The following CDH13 variants were observed in gnomAD, a reference collection of about 807,000 sequenced individuals.
CDH13 encodes cadherin 13.
Under a neutral mutation model 63.8 loss-of-function variants are expected in CDH13, and 24 were observed. The observed-to-expected ratio is 0.38, with a 90% CI of 0.27 to 0.53. CDH13 has a LOEUF of 0.53. Among genes scored for constraint, CDH13 ranks in the 20% least tolerant of loss-of-function variants. The pLI, the probability that CDH13 is intolerant of heterozygous loss-of-function variation, is 0.85. For missense variants in CDH13, 1,049 were observed against 903.1 expected, an observed-to-expected ratio of 1.16 and a Z score of -2.07; for synonymous variants, 503 against 355.3, an observed-to-expected ratio of 1.42 and a Z score of -4.67.
At chr16:82,657,226 A>T (rs952372633) in intron 1 of CDH13, among the ~76,000 whole-genome samples, 2 of 152,212 alleles carry the variant, frequency 1.3e-5, no homozygotes, top group African/African-American at 4.8e-5. Flanking sequence ...AATGAGGCAC[A>T]GTAAGAGATG....
chr16:82,672,358 C>G (rs759956904), intron 1 of CDH13, among the ~76,000 whole-genome samples: 24 of 152,160 alleles, frequency 1.6e-4, no homozygotes, highest in Non-Finnish European at 3.4e-4. Flanking sequence ...GTCTAATTCT[C>G]TATTTTGATT....
At chr16:83,142,756 C>A (rs1034956354) in intron 4 of CDH13, among the ~76,000 whole-genome samples, 3 of 150,786 alleles carry the variant, frequency 2.0e-5, no homozygotes, top group African/African-American at 5.0e-5. Flanking sequence ...TATTTTTTGA[C>A]TGAATGAATG....
intron 2 of CDH13, among the ~76,000 whole-genome samples, chr16:82,891,893 G>C (rs2041093994): frequency 6.6e-6 from 1 of 152,160 alleles, no homozygotes; most frequent in African/African-American, 2.4e-5. Context: ...GGATACTGCT[G>C]GTCACGTGTC....
chr16:82,806,183 G>C (rs778363502), intron 1 of CDH13, among the ~76,000 whole-genome samples: 1 of 152,134 alleles, frequency 6.6e-6, no homozygotes, highest in South Asian at 2.1e-4. Flanking sequence ...TTGCTTCCTT[G>C]CTGAACTGGG....
At chr16:82,874,418 A>G (rs2040438514) in intron 2 of CDH13, among the ~76,000 whole-genome samples, 1 of 152,004 alleles carries the variant, frequency 6.6e-6, no homozygotes, top group African/African-American at 2.4e-5. Flanking sequence ...CTACTTGTGA[A>G]CACCTTGGTA....
At chr16:82,830,579 C>G (rs1597730951) in intron 1 of CDH13, among the ~76,000 whole-genome samples, 1 of 152,176 alleles carries the variant, frequency 6.6e-6, no homozygotes, top group African/African-American at 2.4e-5. Flanking sequence ...TAAGGATGTG[C>G]TCTCTTCTTT....
At chr16:82,786,152 G>C (rs1456689366) in intron 1 of CDH13, among the ~76,000 whole-genome samples, 1 of 152,236 alleles carries the variant, frequency 6.6e-6, no homozygotes, top group Non-Finnish European at 1.5e-5. Flanking sequence ...TCAGGGTGGA[G>C]TAGGTAATGG....
intron 6 of CDH13, among the ~76,000 whole-genome samples, chr16:83,474,472 G>C (rs937405073): frequency 6.6e-6 from 1 of 152,116 alleles, no homozygotes; most frequent in African/African-American, 2.4e-5. Flanking sequence ...CAGACATCAA[G>C]AGAATTTTAA....
chr16:83,066,204 G>A (rs1040421728), intron 3 of CDH13, among the ~76,000 whole-genome samples: 2 of 152,178 alleles, frequency 1.3e-5, no homozygotes, highest in African/African-American at 4.8e-5. Context: ...CAGCTACATG[G>A]TGATGATGAG....
chr16:83,374,933 T>A (rs568274599), intron 6 of CDH13, among the ~76,000 whole-genome samples: 1 of 152,202 alleles, frequency 6.6e-6, no homozygotes, highest in Non-Finnish European at 1.5e-5. Flanking sequence ...AGATTTGAAG[T>A]GCAAAGGGTT....
chr16:82,804,393 G>T (rs1013284807), intron 1 of CDH13, among the ~76,000 whole-genome samples: 1 of 151,838 alleles, frequency 6.6e-6, no homozygotes, highest in Non-Finnish European at 1.5e-5. Flanking sequence ...TGTGGTGATG[G>T]TATCACAGGT....
chr16:83,501,728 C>T (rs915324930), intron 7 of CDH13, among the ~76,000 whole-genome samples: 5 of 152,134 alleles, frequency 3.3e-5, no homozygotes, highest in African/African-American at 7.2e-5. Flanking sequence ...ACCTCATAGC[C>T]GCTGCTCTAT....
Position 82,644,555 on chromosome 16 carries a change from GA to G in CDH13, c.45+17419del, listed in dbSNP as rs1414659191. ...GGTCCCCAGACCAGGCCCAGTGCAC[GA>G]GTTTGGGTGCTGGAAGGGGAGGCTT... On this transcript the variant is annotated intron_variant, in intron 1 of 13. Transcript: ENST00000567109. This position sits in a 1 kb window ranked among gnomAD's most constrained non-coding sequence, Gnocchi z 5.7. Among the ~76,000 whole-genome samples the G allele has an allele frequency of 8.5e-5, 13 of 152,330 alleles. No homozygotes were observed. Among genetic ancestry groups the G allele is most frequent in the African/African-American group, 2.6e-4 (11 of 41,586 alleles).
chr16:82,740,437 A>C (rs1354567845), intron 1 of CDH13, among the ~76,000 whole-genome samples: 2 of 152,236 alleles, frequency 1.3e-5, no homozygotes, highest in South Asian at 4.1e-4. Flanking sequence ...GTCTTTAAAC[A>C]GAGATGGGCT....
At chr16:82,685,271 T>C (rs1914947502) in intron 1 of CDH13, among the ~76,000 whole-genome samples, 1 of 152,172 alleles carries the variant, frequency 6.6e-6, no homozygotes, top group African/African-American at 2.4e-5. Context: ...CGCCAACAGA[T>C]TTAGTGTCTG....
At chr16:83,118,263 G>A (rs2035402823) in intron 3 of CDH13, among the ~76,000 whole-genome samples, 1 of 152,124 alleles carries the variant, frequency 6.6e-6, no homozygotes, top group South Asian at 2.1e-4. Flanking sequence ...TGTGACTGAG[G>A]GGATTGTGTT....
At chr16:83,603,768 AC>A (rs1452000567) in intron 8 of CDH13, among the ~76,000 whole-genome samples, 1 of 152,152 alleles carries the variant, frequency 6.6e-6, no homozygotes, top group Non-Finnish European at 1.5e-5. Context: ...GCTATAAAGA[AC>A]TACCTAAGAC....
chr16:82,935,346 C>G (rs2042634665), intron 2 of CDH13, among the ~76,000 whole-genome samples: 1 of 152,088 alleles, frequency 6.6e-6, no homozygotes, highest in Admixed American at 6.6e-5. Context: ...GTCCCTCCCC[C>G]AACACGTGGG....
chr16:82,786,378 T>G (rs1457328550), intron 1 of CDH13, among the ~76,000 whole-genome samples: 2 of 151,326 alleles, frequency 1.3e-5, no homozygotes, highest in Admixed American at 1.3e-4. Flanking sequence ...CTTCCAAAAG[T>G]GTCTATGCCA....
Sources: allele counts gnomAD v4.1 joint callset (sites outside exome capture counted in the v4.1 genomes callset), GRCh38; gene constraint gnomAD v4.1.1; non-coding constraint Gnocchi (gnomAD v3.1); transcripts MANE v1.5; gene names NCBI Gene and HGNC (gene_info 2026-07-23, HGNC 2026-07-21).